SYNE1: variants seen among roughly 807,000 people sequenced by gnomAD.
SYNE1 encodes the protein spectrin repeat containing nuclear envelope protein 1.
Under a neutral mutation model 1,111.0 loss-of-function variants are expected in SYNE1, and 616 were observed. That is an observed-to-expected ratio of 0.55 (90% CI 0.52 to 0.59). The LOEUF (loss-of-function observed/expected upper bound fraction) is 0.59. SYNE1 is among the 20% of genes least tolerant of loss of function. SYNE1 has a pLI of 0.00. For missense variants in SYNE1, 10,006 were observed against 10,417.0 expected (o/e 0.96, Z 1.72); for synonymous variants, 3,855 against 3,825.8 (o/e 1.01, Z -0.28).
At chr6:152,248,715 T>C (rs1233944011) in intron 105 of SYNE1, among the ~76,000 whole-genome samples, 1 of 152,194 alleles carries the variant, frequency 6.6e-6, no homozygotes, top group African/African-American at 2.4e-5. Context: ...TACCGTGATA[T>C]CTTTCTTTCC....
chr6:152,311,775 AT>A (rs762825816), intron 87 of SYNE1, among the ~76,000 whole-genome samples: 2 of 139,322 alleles, frequency 1.4e-5, no homozygotes, highest in Non-Finnish European at 3.1e-5. Flanking sequence ...GCAATAGACT[AT>A]TTATTTATTT....
In SYNE1 at chr6:152,200,362, A is replaced by C. The variant is rs116223828; in HGVS notation, c.23145+1462T>G. Among the ~76,000 whole-genome samples the C allele has an allele frequency of 6.7e-3, 1,023 of 152,266 alleles. 11 individuals are homozygous for C. Among genetic ancestry groups the C allele is most frequent in the African/African-American group, 0.021 (880 of 41,554 alleles). ...ACCAATATAGTCACAGCCCCTAATA[A>C]ATGCCCATTCCTGCTTTGCAGAAGT... On this transcript the variant is annotated intron_variant, in intron 127 of 145. Transcript: ENST00000367255.
chr6:152,396,704 G>T, intron 50 of SYNE1, 71 bp downstream of exon 50: 2 of 1,338,850 alleles, frequency 1.5e-6, no homozygotes, highest in South Asian at 2.3e-5. Context: ...TTATTCACAT[G>T]ACTCTTTTCT....
Position 152,615,370 on chromosome 6 carries a change from G to T in SYNE1, c.67+12895C>A, listed in dbSNP as rs548369502. On this transcript the variant is annotated intron_variant, in intron 3 of 145. Transcript: ENST00000367255. ...TTTAATGGAGTTTTGTACAACTATT[G>T]TTATCATCATATTAAATGCATAAAG... is the stretch of plus-strand genomic sequence containing the variant. Among the ~76,000 whole-genome samples the T allele has an allele frequency of 4.6e-5, 7 of 151,850 alleles. 1 individual carries two copies. The highest frequency in any genetic ancestry group is 1.4e-4 in the African/African-American group (6 of 41,388).
At position 152,373,257 on chromosome 6, in the gene SYNE1, A is replaced by C; in HGVS notation, c.9325-38T>G. 1.9e-6 allele frequency: 3 copies of C among 1,543,738 alleles called. No individual in the cohort carries two copies. The African/African-American group carries it at 4.2e-5, about 21-fold the overall frequency. ...ATATAGAATTAGCCATAATGAAAAT[A>C]TTGTGTGTTGTTTCTATTTTTTCTT... is the stretch of plus-strand genomic sequence containing the variant. On this transcript the variant is annotated intron_variant, in intron 58 of 145. Coordinates refer to ENST00000367255, the MANE Select transcript of SYNE1 (RefSeq NM_182961.4).
intron 19 of SYNE1, 81 bp from the exon 20 acceptor site, chr6:152,462,971 T>G (rs2098743133): frequency 2.0e-6 from 3 of 1,506,458 alleles, no homozygotes; most frequent in Non-Finnish European, 1.8e-6. Flanking sequence ...CTTTCACATA[T>G]TCGCTGGAAT....
At chr6:152,364,174 G>A (rs887964597) in intron 63 of SYNE1, among the ~76,000 whole-genome samples, 5 of 152,092 alleles carry the variant, frequency 3.3e-5, no homozygotes, top group African/African-American at 4.8e-5. Context: ...GCTGCCATGC[G>A]AAGAAGGATG....
rs201750136 is a variant in SYNE1 at position 152,323,580 on chromosome 6, C to T, written c.15815G>A (p.Arg5272Gln). The T allele has an allele frequency of 1.3e-5, 21 of 1,614,068 alleles. No individual in the cohort carries two copies. The highest frequency in any genetic ancestry group is 2.2e-5 in the South Asian group (2 of 91,094). ...CTGGAGCATGCTCAGGGTTTGCTGC[C>T]GCAGCATGCCCAAGGCCGACTGCTG... The part of the protein sequence containing the change: ...EQQQSALGML[R>Q]QQTLSMLQDG... Residue 5272 changes from arginine (R) to glutamine (Q), a missense_variant, in exon 82 of 146, where the codon CGG becomes CAG. Physicochemically the swap from Arg to Gln is conservative, Grantham distance 43. Around this residue, in one of 7 missense-constraint regions of SYNE1, gnomAD observed 4,955 missense variants for 5,017.2 expected, o/e 0.99. Transcript: ENST00000367255.
Position 152,520,543 on chromosome 6 carries a change from C to T in SYNE1, c.226-1G>A, listed in dbSNP as rs1594574182. 1 of 1,613,488 alleles carries T rather than the reference C, an allele frequency of 6.2e-7. No homozygotes were observed. The highest frequency in any genetic ancestry group is 1.3e-5 in the African/African-American group (1 of 74,958). ...TCATCCGGCGTCCTTGTTCACAAGG[C>T]TGTAAAAAGTGGGGTAAAAAAGGGA... On this transcript the variant is annotated splice_acceptor_variant, in intron 5 of 145. Transcript: ENST00000367255. LOFTEE classifies it high-confidence loss of function.
intron 105 of SYNE1, among the ~76,000 whole-genome samples, chr6:152,245,273 CA>C (rs1562467659): frequency 6.6e-6 from 1 of 152,114 alleles, no homozygotes; most frequent in African/African-American, 2.4e-5. Flanking sequence ...GTTAGGAAGC[CA>C]GAGTAAACAG....
chr6:152,224,739 A>G, intron 116 of SYNE1, 75 bp from the exon 117 acceptor site: 1 of 1,420,324 alleles, frequency 7.0e-7, no homozygotes, highest in Non-Finnish European at 9.9e-7. Flanking sequence ...ATTGATGGGA[A>G]AATATTAACA....
chr6:152,590,686 T>C (rs1199304094), intron 3 of SYNE1, among the ~76,000 whole-genome samples: 1 of 152,150 alleles, frequency 6.6e-6, no homozygotes, highest in Non-Finnish European at 1.5e-5. Context: ...AACTGAGTTA[T>C]AGGATGTGTC....
At position 152,484,980 on chromosome 6, in the gene SYNE1, AG is replaced by A. The variant is rs778999211; in HGVS notation, c.1048-9del. 1 of 1,610,080 alleles carries A rather than the reference AG, an allele frequency of 6.2e-7. No homozygotes were observed. The highest frequency in any genetic ancestry group is 8.5e-7 in the Non-Finnish European group (1 of 1,178,810). On this transcript the variant is annotated splice_polypyrimidine_tract_variant and intron_variant, in intron 12 of 145. Transcript: ENST00000367255. ...TCTGAAGTGCTTAAATGACTAAAAG[AG>A]GAAAAACAGCAACAGTATGGCAATG...
At position 152,634,567 on chromosome 6, in the gene SYNE1, T is replaced by C. The variant is rs6933611; in HGVS notation, c.-224+2071A>G. Among the ~76,000 whole-genome samples the C allele has an allele frequency of 1.6e-3, 244 of 152,336 alleles. 1 individual carries two copies. The highest frequency in any genetic ancestry group is 5.7e-3 in the African/African-American group (237 of 41,590). ...TATCTTTGAATTAATGTAAGTATATTACTAATAAATGTGTGCAGGTTATCA... is the reference window on the plus strand; with the variant it reads ...TATCTTTGAATTAATGTAAGTATATCACTAATAAATGTGTGCAGGTTATCA... On this transcript the variant is annotated intron_variant, in intron 2 of 145. Transcript: ENST00000367255.
At chr6:152,452,402 T>C (rs977019049) in intron 25 of SYNE1, among the ~76,000 whole-genome samples, 1 of 152,224 alleles carries the variant, frequency 6.6e-6, no homozygotes, top group African/African-American at 2.4e-5. Context: ...CTAACAAAGC[T>C]TGGATTTCTT....
chr6:152,471,587 G>C lies in SYNE1; in HGVS notation c.1632+10C>G, dbSNP rs2098805998. The C allele has an allele frequency of 4.3e-6, 7 of 1,613,404 alleles. No homozygotes were observed. Among genetic ancestry groups the C allele is most frequent in the Non-Finnish European group, 5.9e-6 (7 of 1,179,492 alleles). ...CATAGGAATTCTCTGTCAAAGCACG[G>C]GGGACTCACCACGTAGTTTTGTAGA... On this transcript the variant is annotated intron_variant, in intron 16 of 145. Coordinates refer to ENST00000367255, the MANE Select transcript of SYNE1 (RefSeq NM_182961.4).
chr6:152,445,756 T>C (rs1280972105), intron 29 of SYNE1, among the ~76,000 whole-genome samples: 1 of 152,124 alleles, frequency 6.6e-6, no homozygotes, highest in African/African-American at 2.4e-5. Flanking sequence ...AAACACATTG[T>C]GTTCAACATT....
chr6:152,362,035 G>T, intron 64 of SYNE1, 135 bp downstream of exon 64: 2 of 1,215,922 alleles, frequency 1.6e-6, no homozygotes, highest in Non-Finnish European at 2.4e-6. Context: ...AGCCTTTAGA[G>T]ATTATACTAA....
chr6:152,179,187 T>C (rs765153834), intron 129 of SYNE1: 2 of 152,188 alleles, frequency 1.3e-5, no homozygotes, highest in African/African-American at 2.4e-5. Flanking sequence ...GTGCTGGGAT[T>C]ACAGGCGTGA....
Sources: gnomAD v4.1 joint callset for allele counts (sites outside exome capture counted in the v4.1 genomes callset) on GRCh38, gnomAD v4.1.1 for gene constraint, gnomAD v4.1.1 regional missense constraint, MANE v1.5 for transcripts, NCBI Gene and HGNC (gene_info 2026-07-23, HGNC 2026-07-21) for gene names.